FOXP1: variants seen among roughly 807,000 people sequenced by gnomAD.
The protein encoded by FOXP1 is forkhead box P1.
Under a neutral mutation model 98.2 loss-of-function variants are expected in FOXP1, and 15 were observed. That is an observed-to-expected ratio of 0.15 (90% CI 0.10 to 0.24). The LOEUF (loss-of-function observed/expected upper bound fraction) is 0.24. Among genes scored for constraint, FOXP1 ranks in the 10% least tolerant of loss-of-function variants. FOXP1 has a pLI of 1.00. For missense variants in FOXP1, 633 were observed against 848.5 expected (o/e 0.75, Z 3.15); for synonymous variants, 371 against 314.5 (o/e 1.18, Z -1.90).
intron 2 of FOXP1, among the ~76,000 whole-genome samples, chr3:71,542,940 G>C (rs1398674789): frequency 2.0e-5 from 3 of 152,226 alleles, no homozygotes; most frequent in South Asian, 2.1e-4. Context: ...TTCGCTCTCC[G>C]AGCCTCGGTA....
At chr3:71,576,196 T>C (rs1360996106) in intron 2 of FOXP1, among the ~76,000 whole-genome samples, 1 of 152,248 alleles carries the variant, frequency 6.6e-6, no homozygotes, top group Non-Finnish European at 1.5e-5. Context: ...TTCTATTCAA[T>C]GATCCCATTT....
chr3:71,014,396 C>A (rs2044135562), intron 12 of FOXP1, among the ~76,000 whole-genome samples: 1 of 152,190 alleles, frequency 6.6e-6, no homozygotes, highest in South Asian at 2.1e-4. Context: ...AAAAAATGCT[C>A]ATCATCACTG....
At position 70,970,705 on chromosome 3, in the gene FOXP1, G is replaced by T. The variant is rs568052699; in HGVS notation, c.1722+31C>A. 2.6e-6 allele frequency: 4 copies of T among 1,546,332 alleles called. No homozygotes were observed. In the African/African-American group the frequency reaches 5.4e-5, roughly 21 times the overall value. On this transcript the variant is annotated intron_variant, in intron 19 of 20. Coordinates refer to ENST00000649528, the MANE Select transcript of FOXP1 (RefSeq NM_001349338.3). ...ATGAGTAGGGGAGACCTGTGCCTCTGCTGCATATTCGGGACGGCCGTTAAT... is the reference window on the plus strand; with the variant it reads ...ATGAGTAGGGGAGACCTGTGCCTCTTCTGCATATTCGGGACGGCCGTTAAT...
chr3:71,197,845 T>A lies in FOXP1; in HGVS notation c.180+357A>T, dbSNP rs906611143. 4 of 1,604,128 alleles carry A rather than the reference T, an allele frequency of 2.5e-6. No homozygotes were observed. The African/African-American group carries it at 5.4e-5, about 21-fold the overall frequency. On this transcript the variant is annotated intron_variant, in intron 6 of 20. Coordinates refer to ENST00000649528, the MANE Select transcript of FOXP1 (RefSeq NM_001349338.3). ...TTCACAGGCTTAAGCCTGTTTTTCG[T>A]TTAATTTTTATTTTTGCATGAAAGC...
At chr3:71,483,515 T>TA (rs1182206732) in intron 3 of FOXP1, among the ~76,000 whole-genome samples, 20 of 152,138 alleles carry the variant, frequency 1.3e-4, no homozygotes, top group Admixed American at 1.1e-3. Context: ...TTTTTACTCT[T>TA]AAAGGGCTGG....
At chr3:71,132,942 G>A (rs1232358135) in intron 6 of FOXP1, among the ~76,000 whole-genome samples, 1 of 149,246 alleles carries the variant, frequency 6.7e-6, no homozygotes, top group Non-Finnish European at 1.5e-5. Flanking sequence ...AACTGTACTA[G>A]TTCAATCTGT....
intron 10 of FOXP1, among the ~76,000 whole-genome samples, chr3:71,046,121 C>T (rs940252741): frequency 6.6e-6 from 1 of 152,110 alleles, no homozygotes; most frequent in Admixed American, 6.5e-5. Flanking sequence ...CTCCTTCCCT[C>T]CCACCTTCCT....
At chr3:71,541,435 A>G (rs1157432784) in intron 2 of FOXP1, among the ~76,000 whole-genome samples, 2 of 152,138 alleles carry the variant, frequency 1.3e-5, no homozygotes, top group Non-Finnish European at 2.9e-5. Context: ...CCTTGCTTTC[A>G]CATAGTAAAT....
rs140949293 is a variant in FOXP1, at chr3:71,288,689, A to G, written c.-12+11131T>C. ...ACGGGTCAAGAGGGACAAAATGCCC[A>G]GGATTCCTTTTTCACTGCTCACAGG... is the stretch of plus-strand genomic sequence containing the variant. On this transcript the variant is annotated intron_variant, in intron 5 of 20. Coordinates refer to ENST00000649528, the MANE Select transcript of FOXP1 (RefSeq NM_001349338.3). Among the ~76,000 whole-genome samples, 369 of 152,352 alleles carry G rather than the reference A, an allele frequency of 2.4e-3. 3 individuals are homozygous for G. The highest frequency in any genetic ancestry group is 6.8e-3 in the Admixed American group (104 of 15,306).
chr3:71,035,016 T>C (rs542860198), intron 11 of FOXP1, among the ~76,000 whole-genome samples: 13 of 152,266 alleles, frequency 8.5e-5, no homozygotes, highest in African/African-American at 3.1e-4. Flanking sequence ...TTTCCAAGTG[T>C]CAAAACCTCA....
intron 3 of FOXP1, among the ~76,000 whole-genome samples, chr3:71,422,254 A>G (rs1263655301): frequency 6.6e-6 from 1 of 152,232 alleles, no homozygotes; most frequent in African/African-American, 2.4e-5. Flanking sequence ...GCATCAGCAT[A>G]AACACGAACT....
intron 5 of FOXP1, among the ~76,000 whole-genome samples, chr3:71,262,670 G>A (rs1357170113): frequency 6.6e-6 from 1 of 152,164 alleles, no homozygotes; most frequent in African/African-American, 2.4e-5. Flanking sequence ...CTAAATGGAA[G>A]AGTCCTCCGT....
At chr3:71,396,764 G>A (rs940342471) in intron 3 of FOXP1, among the ~76,000 whole-genome samples, 5 of 139,240 alleles carry the variant, frequency 3.6e-5, no homozygotes, top group East Asian at 2.0e-4. Context: ...CCTTCTAAGC[G>A]TCAGGTCTTG....
chr3:71,205,018 G>T (rs1427687450), intron 5 of FOXP1, among the ~76,000 whole-genome samples: 1 of 152,138 alleles, frequency 6.6e-6, no homozygotes, highest in Non-Finnish European at 1.5e-5. Context: ...AATTATAACA[G>T]AAAGGCGTAA....
At chr3:71,442,515 A>G (rs2086032408) in intron 3 of FOXP1, among the ~76,000 whole-genome samples, 1 of 152,246 alleles carries the variant, frequency 6.6e-6, no homozygotes, top group East Asian at 1.9e-4. Context: ...AGTCTCGCGC[A>G]GTGAGTTGGG....
At chr3:71,137,963 A>C (rs984252412) in intron 6 of FOXP1, among the ~76,000 whole-genome samples, 93 of 152,192 alleles carry the variant, frequency 6.1e-4, no homozygotes, top group African/African-American at 2.2e-3. Flanking sequence ...ACAGTGCAGG[A>C]TGTGAGAACG....
chr3:71,033,798 A>T (rs2047207452), intron 11 of FOXP1, among the ~76,000 whole-genome samples: 1 of 152,134 alleles, frequency 6.6e-6, no homozygotes, highest in Admixed American at 6.5e-5. Context: ...AAGCAATCAG[A>T]CACATCACAG....
chr3:71,329,390 T>C (rs1253947865), intron 4 of FOXP1, among the ~76,000 whole-genome samples: 1 of 151,838 alleles, frequency 6.6e-6, no homozygotes, highest in African/African-American at 2.4e-5. Flanking sequence ...CTGGCTAATT[T>C]TTTTGTATTT....
chr3:70,970,423 G>C (rs1156371031), intron 19 of FOXP1: 2 of 404,390 alleles, frequency 4.9e-6, no homozygotes, highest in Non-Finnish European at 9.3e-6. Context: ...CTGTGCTAGA[G>C]TAATTACACT....
Sources: gnomAD v4.1 joint callset for allele counts (sites outside exome capture counted in the v4.1 genomes callset) on GRCh38, gnomAD v4.1.1 for gene constraint, MANE v1.5 for transcripts, NCBI Gene and HGNC (gene_info 2026-07-23, HGNC 2026-07-21) for gene names.